The following LRPAP1 variants were observed in gnomAD, a reference collection of about 807,000 sequenced individuals.
LRPAP1 encodes the protein LDL receptor related protein associated protein 1.
A neutral mutation model predicts 39.9 loss-of-function variants in LRPAP1; 41 were observed. That is an observed-to-expected ratio of 1.03 (90% CI 0.80 to 1.33). The LOEUF (loss-of-function observed/expected upper bound fraction) is 1.33. Ranked by LOEUF, LRPAP1 falls within the 40% of genes most tolerant of loss-of-function variation. LRPAP1 has a pLI of 0.00. For missense variants in LRPAP1, 565 were observed against 482.3 expected (o/e 1.17, Z -1.61); for synonymous variants, 263 against 212.7 (o/e 1.24, Z -2.06).
chr4:3,530,701 G>A (rs1259935606), intron 1 of LRPAP1, among the ~76,000 whole-genome samples: 3 of 152,212 alleles, frequency 2.0e-5, no homozygotes, highest in Non-Finnish European at 1.5e-5. Flanking sequence ...CAGTGCAGGG[G>A]CAGCCTGAGG....
rs945243745 is a variant in LRPAP1, at chr4:3,507,663, A to T, written c.*5311T>A. The stretch of plus-strand genomic sequence containing the variant: ...AATGATCTAAGCCTCTATCAAAAGA[A>T]CCTAAAACAAGGACAGCAAATTGAA... On this transcript the variant is annotated 3_prime_UTR_variant, in exon 8 of 8. Coordinates refer to ENST00000650182, the MANE Select transcript of LRPAP1 (RefSeq NM_002337.4). 1 of 152,224 alleles carries T rather than the reference A, an allele frequency of 6.6e-6. No individual in the cohort carries two copies. The highest frequency in any genetic ancestry group is 1.5e-5 in the Non-Finnish European group (1 of 68,044). 9.4% of individuals were successfully genotyped at this position (152,224 alleles called of 1,614,324 possible).
rs1345257316 is a variant in LRPAP1 at position 3,505,363 on chromosome 4, C to T, written c.*7611G>A. Reference sequence around the variant, plus strand: ...CCAGCATCCCTCCCCGGTGCCTAGCCCTCGCCAGGCTGCTGGCCCCATCGC... The same window carrying T: ...CCAGCATCCCTCCCCGGTGCCTAGCTCTCGCCAGGCTGCTGGCCCCATCGC... On this transcript the variant is annotated 3_prime_UTR_variant, in exon 8 of 8. Transcript: ENST00000650182. Among the ~76,000 whole-genome samples the T allele has an allele frequency of 1.3e-5, 2 of 152,266 alleles. No individual in the cohort carries two copies. Among genetic ancestry groups the T allele is most frequent in the Non-Finnish European group, 2.9e-5 (2 of 68,040 alleles).
At chr4:3,519,094 G>A (rs950263678) in intron 3 of LRPAP1, 103 bp from the exon 4 acceptor site, 10 of 1,526,472 alleles carry the variant, frequency 6.6e-6, no homozygotes, top group African/African-American at 5.5e-5. Context: ...CCTTGCCTAC[G>A]TGAGTGCCAG....
intron 1 of LRPAP1, among the ~76,000 whole-genome samples, chr4:3,526,058 G>C (rs1374084842): frequency 6.6e-6 from 1 of 152,266 alleles, no homozygotes; most frequent in Non-Finnish European, 1.5e-5. Context: ...CATGAGGTGG[G>C]ACCAGGGTTC....
rs1172368473 is a variant in LRPAP1, at chr4:3,506,015, T to C, written c.*6959A>G. ...TACCTGGAAACCCAGCTTAGGGAAG[T>C]AAAAAAAAAATCACTGCATCTCATA... On this transcript the variant is annotated 3_prime_UTR_variant, in exon 8 of 8. Transcript: ENST00000650182. 1.3e-5 allele frequency among the ~76,000 whole-genome samples: 2 copies of C among 149,040 alleles called. No homozygotes were observed. The highest frequency in any genetic ancestry group is 4.2e-4 in the South Asian group (2 of 4,770).
At chr4:3,521,811 T>C (rs1729918482) in intron 2 of LRPAP1, among the ~76,000 whole-genome samples, 1 of 152,222 alleles carries the variant, frequency 6.6e-6, no homozygotes, top group Non-Finnish European at 1.5e-5. Context: ...ATGCTGGGCC[T>C]GTCTTCCATG....
At chr4:3,523,834 G>A (rs375540530) in intron 2 of LRPAP1, among the ~76,000 whole-genome samples, 15 of 152,334 alleles carry the variant, frequency 9.8e-5, no homozygotes, top group African/African-American at 3.6e-4. Context: ...CAACAAGTGC[G>A]ATGGCAGCCA....
intron 1 of LRPAP1, among the ~76,000 whole-genome samples, chr4:3,529,820 C>T (rs938216742): frequency 2.6e-5 from 4 of 152,222 alleles, no homozygotes; most frequent in Non-Finnish European, 5.9e-5. Context: ...TGCCTACTGA[C>T]ACACTACGCA....
intron 4 of LRPAP1, among the ~76,000 whole-genome samples, chr4:3,518,658 C>T (rs1177603401): frequency 6.6e-6 from 1 of 152,040 alleles, no homozygotes; most frequent in East Asian, 1.9e-4. Flanking sequence ...CCAATGCAGG[C>T]AGGCGACTCC....
rs913692514 is a variant in LRPAP1 at position 3,511,147 on chromosome 4, A to C, written c.*1827T>G. 6.6e-6 allele frequency: 1 copy of C among 152,190 alleles called. No individual in the cohort carries two copies. Among genetic ancestry groups the C allele is most frequent in the Non-Finnish European group, 1.5e-5 (1 of 68,040 alleles). The allele number at this position is 152,190 out of a possible 1,614,324, so 9.4% of individuals were successfully genotyped here. The stretch of plus-strand genomic sequence containing the variant: ...TGTTCTCCTTCCACCCAGCTGGGAG[A>C]AAGAAACACAGTCCAACCACTTTGG... On this transcript the variant is annotated 3_prime_UTR_variant, in exon 8 of 8. Transcript: ENST00000650182.
chr4:3,516,729 C>T (rs565825115), intron 5 of LRPAP1, among the ~76,000 whole-genome samples: 2 of 152,316 alleles, frequency 1.3e-5, no homozygotes, highest in South Asian at 2.1e-4. Context: ...CTGGTGCTCA[C>T]GAAGGGACGC....
At position 3,504,961 on chromosome 4, in the gene LRPAP1, T is replaced by C. The variant is rs901783740; in HGVS notation, c.*8013A>G. Among the ~76,000 whole-genome samples the C allele has an allele frequency of 9.5e-5, 12 of 126,880 alleles. No individual in the cohort carries two copies. The highest frequency in any genetic ancestry group is 1.9e-4 in the Non-Finnish European group (11 of 58,234). The allele number at this position is 126,880 out of a possible 152,430, so 83.2% of individuals were successfully genotyped here. A position where few individuals can be genotyped will look rare whatever the true frequency, so the allele number is the denominator to read the frequency against. Reference sequence around the variant, plus strand: ...GACTCCGTCTCAAGAAAAAAATAAATAACAAAGAACAGAAGACAACATGAC... The same window carrying C: ...GACTCCGTCTCAAGAAAAAAATAAACAACAAAGAACAGAAGACAACATGAC... On this transcript the variant is annotated 3_prime_UTR_variant, in exon 8 of 8. Transcript: ENST00000650182.
At chr4:3,525,141 G>A (rs774220750) in intron 1 of LRPAP1, 90 bp from the exon 2 acceptor site, 3 of 1,452,082 alleles carry the variant, frequency 2.1e-6, no homozygotes, top group Non-Finnish European at 1.9e-6. Context: ...TGGCCACCGG[G>A]AGGTTCTGGG....
Position 3,507,856 on chromosome 4 carries a change from C to CA in LRPAP1, c.*5117dup, listed in dbSNP as rs1729398233. The CA allele has an allele frequency of 2.0e-5, 3 of 152,234 alleles. No individual in the cohort carries two copies. The South Asian group carries it at 6.2e-4, about 32-fold the overall frequency. The allele number at this position is 152,234 out of a possible 1,614,324, so 9.4% of individuals were successfully genotyped here. A position where few individuals can be genotyped will look rare whatever the true frequency, so the allele number is the denominator to read the frequency against. On this transcript the variant is annotated 3_prime_UTR_variant, in exon 8 of 8. Transcript: ENST00000650182. ...GTCTGATCAGGGGGAAAAGAAAACA[C>CA]AAATGGCCCAGAGCAGGAATGAGAA... is the stretch of plus-strand genomic sequence containing the variant.
In LRPAP1 at chr4:3,508,361, T is replaced by C. The variant is rs990122165; in HGVS notation, c.*4613A>G. 8.5e-5 allele frequency: 13 copies of C among 152,066 alleles called. No individual in the cohort carries two copies. Among genetic ancestry groups the C allele is most frequent in the Admixed American group, 7.9e-4 (12 of 15,272 alleles). 9.4% of individuals were successfully genotyped at this position (152,066 alleles called of 1,614,324 possible). ...ATGAAAAACCTAAGCAAAAAGAAAA[T>C]GGCAGGCATAGATGGCCTCACCCAT... On this transcript the variant is annotated 3_prime_UTR_variant, in exon 8 of 8. Coordinates refer to ENST00000650182, the MANE Select transcript of LRPAP1 (RefSeq NM_002337.4).
chr4:3,510,877 C>T lies in LRPAP1; in HGVS notation c.*2097G>A, dbSNP rs1577200883. The stretch of plus-strand genomic sequence containing the variant: ...AATGGGTACCCCTGTGGGACTGGCT[C>T]TGCGGAGTGGAGGGCATCACCTACA... On this transcript the variant is annotated 3_prime_UTR_variant, in exon 8 of 8. Transcript: ENST00000650182. 6.6e-6 allele frequency: 1 copy of T among 152,386 alleles called. No homozygotes were observed. The highest frequency in any genetic ancestry group is 2.4e-5 in the African/African-American group (1 of 41,582). 9.4% of individuals were successfully genotyped at this position (152,386 alleles called of 1,614,324 possible).
intron 5 of LRPAP1, chr4:3,517,792 G>A (rs1221847531): frequency 1.6e-5 from 7 of 447,290 alleles, no homozygotes; most frequent in Non-Finnish European, 2.7e-5. Flanking sequence ...TCCCAGGCCC[G>A]CTGCCGCCAC....
rs758071696 is a variant in LRPAP1 at position 3,532,382 on chromosome 4, G to C, written c.31C>G (p.Arg11Gly). 1 of 1,590,692 alleles carries C rather than the reference G, an allele frequency of 6.3e-7. No individual in the cohort carries two copies. The highest frequency in any genetic ancestry group is 8.6e-7 in the Non-Finnish European group (1 of 1,169,414). The change falls in exon 1 of 8, where the codon CGC (arginine) becomes GGC (glycine). Residue 11 changes from arginine (R) to glycine (G), a missense_variant. By Grantham distance (125) the Arg-to-Gly change is moderately radical (BLOSUM62 -2). Transcript: ENST00000650182. ...AGCAGTAGCAGCGCCGGGAGCCCGC[G>C]CAGAAACGACCTGACCCTCCGCGGC... MAPRRVRSFLRGLPALLLLLL... is the reference protein window; with the variant it reads MAPRRVRSFLGGLPALLLLLL...
At chr4:3,515,995 G>A (rs1485466343) in intron 6 of LRPAP1, 121 bp downstream of exon 6, 2 of 999,942 alleles carry the variant, frequency 2.0e-6, no homozygotes, top group Non-Finnish European at 3.0e-6. Flanking sequence ...GGTTAAGGAA[G>A]AAACTGCGAG....
Sources: allele counts gnomAD v4.1 joint callset (sites outside exome capture counted in the v4.1 genomes callset), GRCh38; gene constraint gnomAD v4.1.1; transcripts MANE v1.5; gene names NCBI Gene and HGNC (gene_info 2026-07-23, HGNC 2026-07-21).